The following FGF12 variants were observed in gnomAD, a reference collection of about 807,000 sequenced individuals.
FGF12 encodes fibroblast growth factor 12.
A neutral mutation model predicts 23.6 loss-of-function variants in FGF12; 14 were observed. The ratio of observed to expected loss-of-function variants is 0.59; its 90% CI spans 0.39 to 0.93. FGF12 has a LOEUF of 0.93. Ranked by LOEUF, FGF12 falls within the 40% of genes least tolerant of loss-of-function variation. The probability of loss-of-function intolerance (pLI) is 0.00; values close to 1 mark genes in which losing one functional copy is unlikely to be tolerated. For synonymous variants in FGF12, 62 were observed against 77.3 expected (o/e 0.80, Z 1.04); for missense variants, 175 against 217.8 (o/e 0.80, Z 1.24).
intron 2 of FGF12, among the ~76,000 whole-genome samples, chr3:192,577,361 T>C (rs974851269): frequency 2.0e-5 from 3 of 152,222 alleles, no homozygotes; most frequent in Non-Finnish European, 2.9e-5. Flanking sequence ...TTTTTTTAAA[T>C]GAACAAATGG....
intron 4 of FGF12, among the ~76,000 whole-genome samples, chr3:192,308,245 T>C (rs1268179930): frequency 6.6e-6 from 1 of 152,172 alleles, no homozygotes; most frequent in Non-Finnish European, 1.5e-5. Flanking sequence ...GAACCCAATA[T>C]GCAACTGTCT....
intron 4 of FGF12, among the ~76,000 whole-genome samples, chr3:192,325,198 A>G (rs951200639): frequency 6.6e-6 from 1 of 152,184 alleles, no homozygotes; most frequent in African/African-American, 2.4e-5. Context: ...TTTTTAACTG[A>G]AAAAATTTCC....
intron 4 of FGF12, among the ~76,000 whole-genome samples, chr3:192,305,695 T>TATAA (rs1299668639): frequency 3.3e-4 from 48 of 144,782 alleles, no homozygotes; most frequent in Non-Finnish European, 5.3e-4. Context: ...TATATATATA[T>TATAA]AAATATATAT....
intron 2 of FGF12, among the ~76,000 whole-genome samples, chr3:192,390,791 G>A (rs113302960): frequency 5.9e-5 from 9 of 152,174 alleles, no homozygotes; most frequent in African/African-American, 1.4e-4. Flanking sequence ...GGTCCCCAAC[G>A]TGGCAAACAA....
chr3:192,578,827 AAGCGAGT>A (rs1360640626), intron 2 of FGF12, among the ~76,000 whole-genome samples: 2 of 152,342 alleles, frequency 1.3e-5, no homozygotes, highest in East Asian at 3.9e-4. Flanking sequence ...TGTTATTGCA[AAGCGAGT>A]AGCTCATATT....
intron 2 of FGF12, among the ~76,000 whole-genome samples, chr3:192,694,807 T>A (rs1295661339): frequency 2.0e-5 from 3 of 151,940 alleles, no homozygotes; most frequent in Non-Finnish European, 4.4e-5. Flanking sequence ...CACTCTTATA[T>A]GTGGAAACTA....
intron 4 of FGF12, among the ~76,000 whole-genome samples, chr3:192,232,720 A>G (rs1321803258): frequency 6.6e-6 from 1 of 151,936 alleles, no homozygotes; most frequent in Non-Finnish European, 1.5e-5. Flanking sequence ...ACCTTCAAAT[A>G]GGTCCCAGTG....
At chr3:192,714,779 A>C (rs13089951) in intron 2 of FGF12, among the ~76,000 whole-genome samples, 2,172 of 152,250 alleles carry the variant, frequency 0.014, 27 homozygotes, top group Admixed American at 0.021. Flanking sequence ...CGGCCTCCCA[A>C]AGTGCTGGGA....
At chr3:192,202,212 A>T (rs962373151) in intron 4 of FGF12, among the ~76,000 whole-genome samples, 1 of 152,240 alleles carries the variant, frequency 6.6e-6, no homozygotes, top group Non-Finnish European at 1.5e-5. Flanking sequence ...AAGATGAAGG[A>T]AACAGCAAAA....
At chr3:192,332,015 A>C (rs1717148824) in intron 4 of FGF12, among the ~76,000 whole-genome samples, 1 of 152,158 alleles carries the variant, frequency 6.6e-6, no homozygotes, top group African/African-American at 2.4e-5. Flanking sequence ...TTAGTTTAGA[A>C]GAAAAGTGAA....
At chr3:192,213,772 G>T (rs574351514) in intron 4 of FGF12, among the ~76,000 whole-genome samples, 1 of 152,172 alleles carries the variant, frequency 6.6e-6, no homozygotes, top group Non-Finnish European at 1.5e-5. Flanking sequence ...CTACTCACAG[G>T]CCTGTGATTC....
Position 192,423,343 on chromosome 3 carries a change from C to T in FGF12, c.14-62805G>A, listed in dbSNP as rs374422890. On this transcript the variant is annotated intron_variant, in intron 2 of 5. Coordinates refer to ENST00000445105, the MANE Select transcript of FGF12 (RefSeq NM_004113.6). ...TGATTTTCTTTTTGGAGTGTTCCAT[C>T]TTAGGGAGCCATTTTATAAGTATGT... Among the ~76,000 whole-genome samples, 18 of 152,220 alleles carry T rather than the reference C, an allele frequency of 1.2e-4. No homozygotes were observed. The South Asian group carries it at 1.9e-3, about 16-fold the overall frequency.
At chr3:192,619,231 C>T (rs1714880228) in intron 2 of FGF12, among the ~76,000 whole-genome samples, 1 of 151,980 alleles carries the variant, frequency 6.6e-6, no homozygotes, top group South Asian at 2.1e-4. Flanking sequence ...CTCCTTCCTC[C>T]CCTGATGGGT....
At chr3:192,324,151 C>T (rs111529085) in intron 4 of FGF12, among the ~76,000 whole-genome samples, 1 of 151,462 alleles carries the variant, frequency 6.6e-6, no homozygotes, top group Non-Finnish European at 1.5e-5. Context: ...AATATATATG[C>T]CTACCACGTG....
chr3:192,517,626 C>T (rs146601130), intron 2 of FGF12, among the ~76,000 whole-genome samples: 2,148 of 152,130 alleles, frequency 0.014, 23 homozygotes, highest in South Asian at 0.037. Context: ...TCAGAGGGCA[C>T]GTAACATTTT....
chr3:192,367,570 A>G (rs1283613675), intron 2 of FGF12, among the ~76,000 whole-genome samples: 1 of 152,212 alleles, frequency 6.6e-6, no homozygotes, highest in Admixed American at 6.5e-5. Flanking sequence ...GAGCTACAGT[A>G]AGCATTTGAA....
chr3:192,722,354 G>T (rs1354758614), intron 2 of FGF12, among the ~76,000 whole-genome samples: 1 of 152,090 alleles, frequency 6.6e-6, no homozygotes, highest in African/African-American at 2.4e-5. Context: ...TCGCTTTCCA[G>T]TTCTGATATA....
Position 192,378,025 on chromosome 3 carries a change from CTTT to C in FGF12, c.14-17490_14-17488del, listed in dbSNP as rs756491315. On this transcript the variant is annotated intron_variant, in intron 2 of 5. Coordinates refer to ENST00000445105, the MANE Select transcript of FGF12 (RefSeq NM_004113.6). Reference sequence around the variant, plus strand: ...CGAGATCCCTTTCTTCTGACTCTTTCTTTTCTTTCTTTCTTTCTTTCTTTCTTT... The same window carrying C: ...CGAGATCCCTTTCTTCTGACTCTTTCTCTTTCTTTCTTTCTTTCTTTCTTT... 1.9e-4 allele frequency among the ~76,000 whole-genome samples: 14 copies of C among 74,496 alleles called. 1 individual carries two copies. Among genetic ancestry groups the C allele is most frequent in the African/African-American group, 1.1e-3 (14 of 12,420 alleles). 48.9% of individuals were successfully genotyped at this position (74,496 alleles called of 152,430 possible). A position where few individuals can be genotyped will look rare whatever the true frequency, so the allele number is the denominator to read the frequency against.
chr3:192,681,578 T>C (rs1443735500), intron 2 of FGF12, among the ~76,000 whole-genome samples: 6 of 152,208 alleles, frequency 3.9e-5, no homozygotes, highest in Admixed American at 1.3e-4. Context: ...TAAAAATCCC[T>C]GTGACCAGAG....
Sources: allele counts gnomAD v4.1 joint callset (sites outside exome capture counted in the v4.1 genomes callset), GRCh38; gene constraint gnomAD v4.1.1; transcripts MANE v1.5; gene names NCBI Gene and HGNC (gene_info 2026-07-23, HGNC 2026-07-21).